The following WWC1 variants were observed in gnomAD, a reference collection of about 807,000 sequenced individuals.
The protein encoded by WWC1 is protein KIBRA.
A neutral mutation model predicts 138.4 loss-of-function variants in WWC1; 55 were observed. The observed-to-expected ratio is 0.40, with a 90% CI of 0.32 to 0.50. The LOEUF is 0.50. Ranked by LOEUF, WWC1 falls within the 20% of genes least tolerant of loss-of-function variation. The pLI is 0.72. For synonymous variants in WWC1, 524 were observed against 564.9 expected, an observed-to-expected ratio of 0.93 and a Z score of 1.03; for missense variants, 1,226 against 1,420.4, an observed-to-expected ratio of 0.86 and a Z score of 2.20.
At chr5:168,450,922 G>GTA (rs1755745155) in intron 17 of WWC1, among the ~76,000 whole-genome samples, 1 of 151,954 alleles carries the variant, frequency 6.6e-6, no homozygotes, top group Non-Finnish European at 1.5e-5. Flanking sequence ...AGAAAATCGT[G>GTA]CAGTCCACAT....
At chr5:168,348,285 G>T (rs780944066) in intron 1 of WWC1, among the ~76,000 whole-genome samples, 6 of 152,166 alleles carry the variant, frequency 3.9e-5, no homozygotes, top group Non-Finnish European at 8.8e-5. Context: ...GGCTCAGGTA[G>T]GGTGAAGCTC....
rs1411280262 is a variant in WWC1 at position 168,428,857 on chromosome 5, C to T, written c.2000+70C>T. On this transcript the variant is annotated intron_variant, in intron 13 of 22. Coordinates refer to ENST00000265293, the MANE Select transcript of WWC1 (RefSeq NM_015238.3). ...GGTCCCTTCTTCATCCACAGCGTTCCCCAGCATTTACCTTCACAGCCGCCC... is the reference window on the plus strand; with the variant it reads ...GGTCCCTTCTTCATCCACAGCGTTCTCCAGCATTTACCTTCACAGCCGCCC... The T allele has an allele frequency of 5.1e-6, 8 of 1,553,530 alleles. No homozygotes were observed. In the Admixed American group the frequency reaches 1.4e-4, roughly 26 times the overall value.
At chr5:168,410,920 C>A (rs1780179181) in intron 8 of WWC1, among the ~76,000 whole-genome samples, 1 of 145,268 alleles carries the variant, frequency 6.9e-6, no homozygotes. Flanking sequence ...TCTTTAAGTT[C>A]ATGATCTTTG....
chr5:168,407,988 A>T (rs1014925783), intron 6 of WWC1, among the ~76,000 whole-genome samples: 3 of 150,184 alleles, frequency 2.0e-5, no homozygotes, highest in African/African-American at 7.4e-5. Flanking sequence ...TCAGCCTCCC[A>T]AGTAGTTGGA....
At chr5:168,357,328 A>ACACACACT (rs1775507898) in intron 1 of WWC1, among the ~76,000 whole-genome samples, 1 of 146,570 alleles carries the variant, frequency 6.8e-6, no homozygotes, top group African/African-American at 2.6e-5. Flanking sequence ...ACACACACAC[A>ACACACACT]CACACTTTTT....
intron 1 of WWC1, among the ~76,000 whole-genome samples, chr5:168,293,757 C>T (rs1277709124): frequency 2.0e-5 from 3 of 152,114 alleles, no homozygotes; most frequent in Non-Finnish European, 4.4e-5. Flanking sequence ...CGTACATCAG[C>T]GCCCAACTCC....
chr5:168,382,302 A>G (rs138550286), intron 2 of WWC1, among the ~76,000 whole-genome samples: 1 of 152,336 alleles, frequency 6.6e-6, no homozygotes, highest in East Asian at 1.9e-4. Context: ...GTGTATGTGT[A>G]AACAAAAATT....
At chr5:168,386,454 G>A (rs561987539) in intron 3 of WWC1, among the ~76,000 whole-genome samples, 9 of 147,310 alleles carry the variant, frequency 6.1e-5, no homozygotes, top group South Asian at 2.2e-4. Context: ...GTGCAGTGGC[G>A]CGATCTCTGC....
At chr5:168,411,898 C>T (rs900335288) in intron 8 of WWC1, 7 of 877,634 alleles carry the variant, frequency 8.0e-6, no homozygotes, top group African/African-American at 1.8e-5. Context: ...CTTGAAAGTA[C>T]GAAAGGAGTG....
chr5:168,388,365 A>G (rs951973536), intron 3 of WWC1, among the ~76,000 whole-genome samples: 9 of 152,130 alleles, frequency 5.9e-5, no homozygotes, highest in African/African-American at 1.9e-4. Flanking sequence ...GAAATGGGGG[A>G]AAAGCAGCCA....
At chr5:168,424,122 C>T (rs1455991861) in intron 11 of WWC1, 54 bp downstream of exon 11, 152 of 1,530,236 alleles carry the variant, frequency 9.9e-5, no homozygotes, top group Non-Finnish European at 1.3e-4. Flanking sequence ...AAGAGATACT[C>T]TGTGCTCAGA....
intron 1 of WWC1, among the ~76,000 whole-genome samples, chr5:168,358,576 G>A (rs1440439626): frequency 6.6e-6 from 1 of 152,196 alleles, no homozygotes; most frequent in Non-Finnish European, 1.5e-5. Context: ...AACTAGCTGA[G>A]TGTCCTTGGA....
chr5:168,361,225 T>C (rs1403383357), intron 1 of WWC1, among the ~76,000 whole-genome samples: 1 of 152,166 alleles, frequency 6.6e-6, no homozygotes, highest in East Asian at 1.9e-4. Context: ...TCCTCTCTGG[T>C]TCTGTTGGCT....
chr5:168,329,263 C>CTG (rs1349451170), intron 1 of WWC1, among the ~76,000 whole-genome samples: 1 of 152,222 alleles, frequency 6.6e-6, no homozygotes, highest in Non-Finnish European at 1.5e-5. Context: ...ACACTGCCCT[C>CTG]AAGGCCCAAG....
chr5:168,324,879 G>A (rs1471616897), intron 1 of WWC1, among the ~76,000 whole-genome samples: 1 of 152,204 alleles, frequency 6.6e-6, no homozygotes, highest in Non-Finnish European at 1.5e-5. Context: ...TGGAATGGCT[G>A]TCAGCATGGC....
chr5:168,429,999 C>T, intron 13 of WWC1, 138 bp from the exon 14 acceptor site: 2 of 650,178 alleles, frequency 3.1e-6, no homozygotes, highest in East Asian at 5.5e-5. Context: ...GGCAGCAAAG[C>T]ACTGGGCCTG....
At chr5:168,462,821 C>T (rs1371742120) in intron 20 of WWC1, among the ~76,000 whole-genome samples, 5 of 152,206 alleles carry the variant, frequency 3.3e-5, no homozygotes, top group Non-Finnish European at 5.9e-5. Context: ...TTGTCTCTAC[C>T]GCAGCCTGCC....
chr5:168,407,146 C>T lies in WWC1; in HGVS notation c.720+819C>T, dbSNP rs17551546. On this transcript the variant is annotated intron_variant, in intron 6 of 22. Transcript: ENST00000265293. ...AGGGAGGTGGTTTCAACATCATTAA[C>T]CTCTGACATCAAAATGTAGCATCTC... Among the ~76,000 whole-genome samples the T allele has an allele frequency of 8.5e-3, 1,292 of 152,214 alleles. 10 individuals are homozygous for T. The highest frequency in any genetic ancestry group is 0.014 in the Non-Finnish European group (919 of 68,018).
At chr5:168,405,559 G>A (rs1779716917) in intron 5 of WWC1, among the ~76,000 whole-genome samples, 2 of 152,138 alleles carry the variant, frequency 1.3e-5, no homozygotes, top group Admixed American at 6.5e-5. Context: ...ATGTATATGG[G>A]AAGCCCCTAC....
Sources: gnomAD v4.1 joint callset for allele counts (sites outside exome capture counted in the v4.1 genomes callset) on GRCh38, gnomAD v4.1.1 for gene constraint, MANE v1.5 for transcripts, NCBI Gene and HGNC (gene_info 2026-07-23, HGNC 2026-07-21) for gene names.